INPP4A: variants seen among roughly 807,000 people sequenced by gnomAD.
INPP4A encodes inositol polyphosphate-4-phosphatase, type I, 107kD.
In INPP4A, 33 loss-of-function variants were observed where a neutral mutation model predicts 119.8. The ratio of observed to expected loss-of-function variants is 0.28; its 90% CI spans 0.21 to 0.37. The LOEUF (loss-of-function observed/expected upper bound fraction) is 0.37, where lower values mean the gene tolerates loss of function less well. INPP4A is among the 10% of genes least tolerant of loss of function. The pLI is 1.00. For missense variants in INPP4A, 956 were observed against 1,289.9 expected (o/e 0.74, Z 3.97); for synonymous variants, 496 against 500.7 (o/e 0.99, Z 0.12).
intron 1 of INPP4A, among the ~76,000 whole-genome samples, chr2:98,483,622 A>T (rs146172153): frequency 6.6e-6 from 1 of 152,142 alleles, no homozygotes. Flanking sequence ...GGTTCATCCT[A>T]CACTGAATGT....
At chr2:98,535,190 A>G (rs894911130) in intron 5 of INPP4A, among the ~76,000 whole-genome samples, 1 of 152,236 alleles carries the variant, frequency 6.6e-6, no homozygotes, top group Admixed American at 6.5e-5. Context: ...CTATGATCAA[A>G]AAACTAGTAG....
At chr2:98,583,751 G>A (rs747752491) in intron 24 of INPP4A, among the ~76,000 whole-genome samples, 3 of 152,146 alleles carry the variant, frequency 2.0e-5, no homozygotes, top group African/African-American at 4.8e-5. Flanking sequence ...AAAAGGCAGC[G>A]AGCGACCTCT....
rs999075591 is a variant in INPP4A at position 98,588,611 on chromosome 2, A to C, written c.*1003A>C. ...GGTTTGCAATAATTGTTACTTTCTT[A>C]TTCTCATTCTTATGTAAGATGACTA... On this transcript the variant is annotated 3_prime_UTR_variant, in exon 25 of 25. Coordinates refer to ENST00000409851, the MANE Select transcript of INPP4A (RefSeq NM_001134225.2). 2 of 223,780 alleles carry C rather than the reference A, an allele frequency of 8.9e-6. No individual in the cohort carries two copies. Among genetic ancestry groups the C allele is most frequent in the African/African-American group, 4.5e-5 (2 of 44,836 alleles). The allele number at this position is 223,780 out of a possible 1,614,324, so 13.9% of individuals were successfully genotyped here. A position where few individuals can be genotyped will look rare whatever the true frequency, so the allele number is the denominator to read the frequency against.
intron 16 of INPP4A, among the ~76,000 whole-genome samples, chr2:98,556,393 C>T (rs182272002): frequency 2.6e-5 from 4 of 152,320 alleles, no homozygotes; most frequent in African/African-American, 9.6e-5. Flanking sequence ...TTTGGCAGGA[C>T]CCTTCAGGGT....
intron 1 of INPP4A, among the ~76,000 whole-genome samples, chr2:98,460,410 C>G (rs970101357): frequency 6.6e-6 from 1 of 152,002 alleles, no homozygotes; most frequent in African/African-American, 2.4e-5. Flanking sequence ...GAGGCAGGGC[C>G]AGATCACCCG....
At chr2:98,511,574 A>G (rs1685127599) in intron 1 of INPP4A, among the ~76,000 whole-genome samples, 1 of 152,152 alleles carries the variant, frequency 6.6e-6, no homozygotes, top group African/African-American at 2.4e-5. Flanking sequence ...CAAGAGGACC[A>G]TGATGCTGCC....
chr2:98,522,494 G>T (rs1687411745), intron 4 of INPP4A, among the ~76,000 whole-genome samples: 1 of 151,980 alleles, frequency 6.6e-6, no homozygotes, highest in Non-Finnish European at 1.5e-5. Flanking sequence ...CAGAAAGTAA[G>T]ATTTTAAAAA....
At chr2:98,493,076 A>T (rs1169902159) in intron 1 of INPP4A, among the ~76,000 whole-genome samples, 1 of 152,138 alleles carries the variant, frequency 6.6e-6, no homozygotes, top group Non-Finnish European at 1.5e-5. Flanking sequence ...GTGGCGTCAC[A>T]TTTCCTCCTT....
chr2:98,464,595 C>T (rs547641969), intron 1 of INPP4A, among the ~76,000 whole-genome samples: 7 of 152,326 alleles, frequency 4.6e-5, no homozygotes, highest in Non-Finnish European at 7.3e-5. Context: ...TCTCAGTTCC[C>T]ATGTCAGAAC....
chr2:98,558,737 C>G (rs537629860), intron 16 of INPP4A, among the ~76,000 whole-genome samples: 1 of 152,178 alleles, frequency 6.6e-6, no homozygotes, highest in South Asian at 2.1e-4. Flanking sequence ...GATGGTGCAC[C>G]CAGTTAATGA....
At chr2:98,573,074 T>A in intron 23 of INPP4A, 147 bp downstream of exon 23, 1 of 642,680 alleles carries the variant, frequency 1.6e-6, no homozygotes, top group South Asian at 1.9e-5. Context: ...TCTGAAGCTC[T>A]GAAAGAGACT....
chr2:98,564,789 AG>A, intron 19 of INPP4A, 26 bp downstream of exon 19: 1 of 1,557,892 alleles, frequency 6.4e-7, no homozygotes, highest in Non-Finnish European at 8.7e-7. Flanking sequence ...CAGGATCGGG[AG>A]CCCCACTTGC....
intron 4 of INPP4A, among the ~76,000 whole-genome samples, chr2:98,528,384 A>G (rs1688558986): frequency 1.3e-5 from 2 of 152,366 alleles, no homozygotes; most frequent in South Asian, 4.1e-4. Flanking sequence ...ATGAAGAAAA[A>G]TGAACAGAGC....
intron 10 of INPP4A, among the ~76,000 whole-genome samples, chr2:98,540,084 A>G (rs959757193): frequency 1.3e-5 from 2 of 152,042 alleles, no homozygotes. Flanking sequence ...GGTGTGCGCC[A>G]CCAGGCCTGG....
chr2:98,489,922 T>G (rs1034196992), intron 1 of INPP4A, among the ~76,000 whole-genome samples: 1 of 133,034 alleles, frequency 7.5e-6, no homozygotes, highest in African/African-American at 2.9e-5. Flanking sequence ...TCCTTCCATA[T>G]GGGATTGACA....
chr2:98,546,702 G>C lies in INPP4A; in HGVS notation c.1163+8G>C. ...TGAAGAGACCAAGAAACAGTAAGTA[G>C]CCAGAGAGGGTTTGTGGTCCTTGTA... On this transcript the variant is annotated splice_region_variant and intron_variant, in intron 13 of 24. Coordinates refer to ENST00000409851, the MANE Select transcript of INPP4A (RefSeq NM_001134225.2). The surrounding 1 kb of genome is among the most constrained non-coding windows in gnomAD (Gnocchi z 4.2). 1 of 1,531,276 alleles carries C rather than the reference G, an allele frequency of 6.5e-7. No individual in the cohort carries two copies. The highest frequency in any genetic ancestry group is 1.1e-5 in the South Asian group (1 of 89,350). The allele number at this position is 1,531,276 out of a possible 1,614,324, so 94.9% of individuals were successfully genotyped here. A position where few individuals can be genotyped will look rare whatever the true frequency, so the allele number is the denominator to read the frequency against.
chr2:98,564,776 G>A lies in INPP4A; in HGVS notation c.2152+13G>A, dbSNP rs781364145. On this transcript the variant is annotated intron_variant, in intron 19 of 24. Coordinates refer to ENST00000409851, the MANE Select transcript of INPP4A (RefSeq NM_001134225.2). ...CTGAGCACCTACGGTGAGGCGCCCGGGCCAGGATCGGGAGCCCCACTTGCG... is the reference window on the plus strand; with the variant it reads ...CTGAGCACCTACGGTGAGGCGCCCGAGCCAGGATCGGGAGCCCCACTTGCG... The A allele has an allele frequency of 1.1e-5, 17 of 1,566,726 alleles. No individual in the cohort carries two copies. In the East Asian group the frequency reaches 3.5e-4, roughly 33 times the overall value.
At chr2:98,501,424 A>G (rs1383614820) in intron 1 of INPP4A, among the ~76,000 whole-genome samples, 1 of 152,234 alleles carries the variant, frequency 6.6e-6, no homozygotes, top group Non-Finnish European at 1.5e-5. Context: ...TAGTTCAGGA[A>G]ATACTGTAGT....
At chr2:98,567,788 C>T (rs943264032) in intron 21 of INPP4A, among the ~76,000 whole-genome samples, 1 of 152,248 alleles carries the variant, frequency 6.6e-6, no homozygotes, top group Non-Finnish European at 1.5e-5. Context: ...GGGATGGCCC[C>T]CAAGGGAGCA....
Sources: allele counts gnomAD v4.1 joint callset (sites outside exome capture counted in the v4.1 genomes callset), GRCh38; gene constraint gnomAD v4.1.1; non-coding constraint Gnocchi (gnomAD v3.1); transcripts MANE v1.5; gene names NCBI Gene and HGNC (gene_info 2026-07-23, HGNC 2026-07-21).